Variants in KCNG2 observed in about 807,000 individuals in gnomAD.
KCNG2 encodes potassium voltage-gated channel modifier subfamily G member 2.
KCNG2 carries 7 observed loss-of-function variants against 12.3 expected under a neutral mutation model. That is an observed-to-expected ratio of 0.57 (90% CI 0.32 to 1.07). The LOEUF is 1.07. Among genes scored for constraint, KCNG2 ranks in the 50% least tolerant of loss-of-function variants. KCNG2 has a pLI of 0.04. For missense variants in KCNG2, 703 were observed against 726.0 expected (o/e 0.97, Z 0.36); for synonymous variants, 414 against 351.4 (o/e 1.18, Z -1.99).
chr18:79,800,145 G>A lies in KCNG2; in HGVS notation c.-115+2131G>A, dbSNP rs564181225. 2.0e-5 allele frequency among the ~76,000 whole-genome samples: 3 copies of A among 152,198 alleles called. No homozygotes were observed. In the South Asian group the frequency reaches 6.2e-4, roughly 32 times the overall value. On this transcript the variant is annotated intron_variant, in intron 1 of 3. Transcript: ENST00000316249. The surrounding 1 kb of genome is among the most constrained non-coding windows in gnomAD (Gnocchi z 4.0). The stretch of plus-strand genomic sequence containing the variant: ...GCGTCTCTCTGCAGCCCTGGCAGGC[G>A]TGGGGGCGGGAGTGAAGGGAGCAGA...
In KCNG2 at chr18:79,863,820, C is replaced by A. The variant is rs760697442; in HGVS notation, c.153C>A (p.Gly51=). The A allele has an allele frequency of 1.2e-5, 16 of 1,374,814 alleles. 1 individual carries two copies. The highest frequency in any genetic ancestry group is 6.6e-5 in the Admixed American group (2 of 30,162). The allele number at this position is 1,374,814 out of a possible 1,614,324, so 85.2% of individuals were successfully genotyped here. A position where few individuals can be genotyped will look rare whatever the true frequency, so the allele number is the denominator to read the frequency against. Residue 51 remains glycine, a synonymous_variant, in exon 3 of 4, where the codon GGC becomes GGA. Coordinates refer to ENST00000316249, the MANE Select transcript of KCNG2 (RefSeq NM_012283.2). ...TGGAGCGCCTGCGCGCCTGCCGCGG[C>A]CACGACGACCTGCTGCGCGTGTGTG... The part of the protein sequence containing the change: ...ARLERLRACR[G]HDDLLRVCDD...
chr18:79,851,745 G>A (rs1160902914), intron 1 of KCNG2, among the ~76,000 whole-genome samples: 1 of 104,216 alleles, frequency 9.6e-6, no homozygotes, highest in African/African-American at 3.1e-5. Context: ...GTATGCCTGT[G>A]TGAATGTATG....
intron 3 of KCNG2, among the ~76,000 whole-genome samples, chr18:79,879,002 C>T (rs963108780): frequency 6.6e-5 from 10 of 152,256 alleles, no homozygotes; most frequent in Middle Eastern, 3.2e-3. Flanking sequence ...CTGCCTCCCC[C>T]GTCTTTGTAC....
chr18:79,833,699 T>A (rs1978308538), intron 1 of KCNG2, among the ~76,000 whole-genome samples: 1 of 152,210 alleles, frequency 6.6e-6, no homozygotes, highest in Non-Finnish European at 1.5e-5. Flanking sequence ...GTGGTATAAA[T>A]GCATGGATAA....
chr18:79,861,613 G>C (rs976145409), intron 2 of KCNG2, among the ~76,000 whole-genome samples: 8 of 152,132 alleles, frequency 5.3e-5, no homozygotes, highest in Non-Finnish European at 8.8e-5. Flanking sequence ...TGTCAGTGTG[G>C]ATGTCTTTGA....
chr18:79,869,211 G>A lies in KCNG2; in HGVS notation c.624+4920G>A, dbSNP rs372327404. On this transcript the variant is annotated intron_variant, in intron 3 of 3. Transcript: ENST00000316249. ...AGGGTGCTGGTTGCTTTCAGTGCCCGCCCCGCGCTGAGTCTCCTGCCCCTG... is the reference window on the plus strand; with the variant it reads ...AGGGTGCTGGTTGCTTTCAGTGCCCACCCCGCGCTGAGTCTCCTGCCCCTG... 7.9e-5 allele frequency among the ~76,000 whole-genome samples: 12 copies of A among 152,304 alleles called. No homozygotes were observed. The South Asian group carries it at 1.2e-3, about 16-fold the overall frequency.
intron 1 of KCNG2, among the ~76,000 whole-genome samples, chr18:79,835,915 A>G (rs1978321538): frequency 6.6e-6 from 1 of 152,246 alleles, no homozygotes; most frequent in Non-Finnish European, 1.5e-5. Flanking sequence ...ATCAAAATAG[A>G]ATTGTCAAAT....
At chr18:79,828,521 G>A (rs917752850) in intron 1 of KCNG2, among the ~76,000 whole-genome samples, 5 of 120,910 alleles carry the variant, frequency 4.1e-5, no homozygotes, top group South Asian at 5.9e-4. Context: ...GTAGTGTAAC[G>A]TGTTTATGCA....
chr18:79,801,313 C>G (rs375755245), intron 1 of KCNG2, among the ~76,000 whole-genome samples: 53 of 152,370 alleles, frequency 3.5e-4, no homozygotes, highest in African/African-American at 1.3e-3. Context: ...GTGTGAGAAC[C>G]GGTACCTGTG....
intron 3 of KCNG2, among the ~76,000 whole-genome samples, chr18:79,892,069 C>T (rs192063668): frequency 6.7e-5 from 10 of 149,692 alleles, no homozygotes; most frequent in Admixed American, 4.7e-4. Flanking sequence ...GAGTCGAGAT[C>T]GCAACACTGC....
intron 1 of KCNG2, among the ~76,000 whole-genome samples, chr18:79,847,025 T>C (rs1030138599): frequency 2.2e-4 from 33 of 152,304 alleles, no homozygotes; most frequent in South Asian, 8.3e-4. Flanking sequence ...TGAACCAAAT[T>C]TGTGAAGATG....
chr18:79,883,091 A>G (rs1298060824), intron 3 of KCNG2, among the ~76,000 whole-genome samples: 3 of 152,244 alleles, frequency 2.0e-5, no homozygotes, highest in Non-Finnish European at 4.4e-5. Flanking sequence ...ATCCCGGTGC[A>G]TCCACGGTGC....
Position 79,873,772 on chromosome 18 carries a change from C to T in KCNG2, c.624+9481C>T, listed in dbSNP as rs538547537. Among the ~76,000 whole-genome samples, 438 of 152,330 alleles carry T rather than the reference C, an allele frequency of 2.9e-3. 1 individual carries two copies. The highest frequency in any genetic ancestry group is 3.9e-3 in the Non-Finnish European group (262 of 68,020). ...CCGCGGTTAGAGCTGGCAACAGTGT[C>T]CGCCTAGCTGCCTCACTGGGCCAGG... On this transcript the variant is annotated intron_variant, in intron 3 of 3. Transcript: ENST00000316249.
At chr18:79,874,410 G>C (rs1417244851) in intron 3 of KCNG2, among the ~76,000 whole-genome samples, 3 of 152,206 alleles carry the variant, frequency 2.0e-5, no homozygotes, top group Non-Finnish European at 4.4e-5. Context: ...CCTGCCCCGA[G>C]GGGGGAGCCA....
rs564414070 is a variant in KCNG2, at chr18:79,897,957, G to A, written c.625-1083G>A. ...TATTCCTTTACAACCTGCTCATATC[G>A]CAGCTCCTTCTCATTGCTTTCTGAG... is the stretch of plus-strand genomic sequence containing the variant. On this transcript the variant is annotated intron_variant, in intron 3 of 3. Transcript: ENST00000316249. 1.7e-3 allele frequency among the ~76,000 whole-genome samples: 263 copies of A among 152,164 alleles called. 1 individual carries two copies. The highest frequency in any genetic ancestry group is 6.0e-3 in the African/African-American group (248 of 41,516).
chr18:79,828,300 CAT>C (rs1165453205), intron 1 of KCNG2, among the ~76,000 whole-genome samples: 2 of 152,198 alleles, frequency 1.3e-5, no homozygotes, highest in African/African-American at 4.8e-5. Flanking sequence ...TGTGCATGTG[CAT>C]ATGTGTGCAC....
intron 1 of KCNG2, among the ~76,000 whole-genome samples, chr18:79,819,565 C>T (rs549817397): frequency 2.5e-4 from 38 of 152,304 alleles, no homozygotes; most frequent in African/African-American, 7.9e-4. Flanking sequence ...GTTCACGCCG[C>T]GGGGTTTGTG....
intron 3 of KCNG2, among the ~76,000 whole-genome samples, chr18:79,886,012 A>G (rs372562907): frequency 1.6e-4 from 2 of 12,230 alleles, no homozygotes; most frequent in African/African-American, 4.7e-4. Flanking sequence ...TGGGGACACA[A>G]GACAGGGAGA....
chr18:79,866,473 G>T (rs371930052), intron 3 of KCNG2, among the ~76,000 whole-genome samples: 27 of 107,326 alleles, frequency 2.5e-4, no homozygotes, highest in African/African-American at 8.7e-4. Context: ...CTGAGGTCTG[G>T]GTGCTGAGGT....
Sources: gnomAD v4.1 joint callset for allele counts (sites outside exome capture counted in the v4.1 genomes callset) on GRCh38, gnomAD v4.1.1 for gene constraint, Gnocchi (gnomAD v3.1) non-coding constraint, MANE v1.5 for transcripts, NCBI Gene and HGNC (gene_info 2026-07-23, HGNC 2026-07-21) for gene names.